Variants in NPAS3 observed in about 807,000 individuals in gnomAD.
NPAS3 encodes neuronal PAS domain-containing protein 3.
In NPAS3, 14 loss-of-function variants were observed where a neutral mutation model predicts 73.1. That is an observed-to-expected ratio of 0.19 (90% confidence interval 0.13 to 0.30). The LOEUF (loss-of-function observed/expected upper bound fraction) is 0.30. Among genes scored for constraint, NPAS3 ranks in the 10% least tolerant of loss-of-function variants. The probability of loss-of-function intolerance (pLI) is 1.00; values close to 1 mark genes in which losing one functional copy is unlikely to be tolerated. For synonymous variants in NPAS3, 620 were observed against 541.5 expected (o/e 1.14, Z -2.01); for missense variants, 1,096 against 1,250.0 (o/e 0.88, Z 1.86).
At chr14:33,475,015 A>C (rs75771043) in intron 4 of NPAS3, among the ~76,000 whole-genome samples, 108 of 152,280 alleles carry the variant, frequency 7.1e-4, no homozygotes, top group African/African-American at 2.4e-3. Context: ...TGAGTGGGTT[A>C]GCTGGGAAAT....
At chr14:33,122,083 A>G (rs1302040810) in intron 2 of NPAS3, among the ~76,000 whole-genome samples, 1 of 152,134 alleles carries the variant, frequency 6.6e-6, no homozygotes, top group Non-Finnish European at 1.5e-5. Context: ...TCAACTGCAA[A>G]TGGTAGTAGT....
At chr14:33,672,148 G>T (rs2059626244) in intron 5 of NPAS3, among the ~76,000 whole-genome samples, 1 of 152,058 alleles carries the variant, frequency 6.6e-6, no homozygotes, top group Non-Finnish European at 1.5e-5. Flanking sequence ...GAAACAAGTG[G>T]GTTATGAAAG....
intron 4 of NPAS3, among the ~76,000 whole-genome samples, chr14:33,399,368 A>G (rs574024395): frequency 1.3e-5 from 2 of 152,178 alleles, no homozygotes; most frequent in South Asian, 4.2e-4. Flanking sequence ...TTCCGGTAGA[A>G]CAAGGTAAGG....
chr14:33,232,534 C>A (rs761237384), intron 3 of NPAS3, among the ~76,000 whole-genome samples: 4 of 152,110 alleles, frequency 2.6e-5, no homozygotes, highest in Non-Finnish European at 5.9e-5. Context: ...TTACTGAATT[C>A]ATTCCCTTCT....
At chr14:33,473,194 A>G (rs923753670) in intron 4 of NPAS3, among the ~76,000 whole-genome samples, 1 of 152,194 alleles carries the variant, frequency 6.6e-6, no homozygotes, top group African/African-American at 2.4e-5. Context: ...AGACGCTAGC[A>G]TTCTATCAGT....
intron 4 of NPAS3, among the ~76,000 whole-genome samples, chr14:33,501,022 T>C (rs1278249235): frequency 6.6e-6 from 1 of 152,030 alleles, no homozygotes; most frequent in African/African-American, 2.4e-5. Flanking sequence ...ACTTAGGATG[T>C]TGTCTTTCTC....
intron 6 of NPAS3, among the ~76,000 whole-genome samples, chr14:33,679,506 CTGT>C (rs1442182135): frequency 2.6e-5 from 4 of 152,138 alleles, no homozygotes; most frequent in Admixed American, 1.3e-4. Flanking sequence ...TTTTTGAAGA[CTGT>C]TGTTCATTGC....
intron 5 of NPAS3, among the ~76,000 whole-genome samples, chr14:33,648,796 A>G (rs2058907354): frequency 6.6e-6 from 1 of 152,146 alleles, no homozygotes; most frequent in Admixed American, 6.5e-5. Context: ...CTCATAGTCC[A>G]TCATCACCAG....
At chr14:33,668,991 C>T (rs2059535702) in intron 5 of NPAS3, among the ~76,000 whole-genome samples, 1 of 152,156 alleles carries the variant, frequency 6.6e-6, no homozygotes, top group Admixed American at 6.5e-5. Context: ...GCATAACACT[C>T]ATCTCAACAT....
chr14:33,456,484 T>G lies in NPAS3; in HGVS notation c.468+89216T>G, dbSNP rs139613506. Among the ~76,000 whole-genome samples the G allele has an allele frequency of 7.5e-4, 115 of 152,322 alleles. 1 individual carries two copies. In the Middle Eastern group the frequency reaches 0.01, roughly 14 times the overall value. ...TATTAGGAAAATTATGAGCATTTAG[T>G]GTTTTCATTTACCCTTTCTTTGGGC... On this transcript the variant is annotated intron_variant, in intron 4 of 11. Transcript: ENST00000356141.
chr14:33,292,180 T>C (rs17100544), intron 3 of NPAS3, among the ~76,000 whole-genome samples: 37,745 of 152,106 alleles, frequency 0.25, 5,093 homozygotes, highest in African/African-American at 0.35. Flanking sequence ...AAGCATCCGT[T>C]TGAAAAAGCA....
At chr14:33,562,841 T>A (rs374496544) in intron 5 of NPAS3, among the ~76,000 whole-genome samples, 4 of 152,018 alleles carry the variant, frequency 2.6e-5, no homozygotes, top group African/African-American at 9.6e-5. Context: ...TTAGGGGTTG[T>A]GGGGTGATAT....
intron 3 of NPAS3, among the ~76,000 whole-genome samples, chr14:33,362,100 T>G (rs2045630924): frequency 6.6e-6 from 1 of 152,184 alleles, no homozygotes; most frequent in Admixed American, 6.5e-5. Context: ...TCACATACAG[T>G]GCTTTCAACA....
intron 4 of NPAS3, among the ~76,000 whole-genome samples, chr14:33,479,132 C>T (rs763326889): frequency 1.6e-4 from 24 of 152,134 alleles, no homozygotes; most frequent in Non-Finnish European, 3.2e-4. Context: ...TATTGTTAAA[C>T]CAATGCGCTT....
At chr14:33,287,135 T>C (rs2041910012) in intron 3 of NPAS3, among the ~76,000 whole-genome samples, 1 of 152,184 alleles carries the variant, frequency 6.6e-6, no homozygotes, top group African/African-American at 2.4e-5. Flanking sequence ...TTGGAGTTAT[T>C]CGTGGGAGAA....
At chr14:33,679,864 AG>A (rs2059883338) in intron 6 of NPAS3, among the ~76,000 whole-genome samples, 1 of 152,244 alleles carries the variant, frequency 6.6e-6, no homozygotes. Context: ...TTGATTGTAC[AG>A]CAAACCCAAA....
Position 33,390,116 on chromosome 14 carries a change from A to G in NPAS3, c.468+22848A>G, listed in dbSNP as rs562535487. 4.6e-5 allele frequency among the ~76,000 whole-genome samples: 7 copies of G among 152,340 alleles called. No individual in the cohort carries two copies. In the East Asian group the frequency reaches 1.3e-3, roughly 29 times the overall value. On this transcript the variant is annotated intron_variant, in intron 4 of 11. Transcript: ENST00000356141. ...ATTAGAGATGGGAAGGATTGTGCTA[A>G]GGATACTGGAAAGAGATTCATTCTT...
chr14:33,083,964 A>G (rs1953436), intron 2 of NPAS3, among the ~76,000 whole-genome samples: 65,212 of 152,008 alleles, frequency 0.43, 15,421 homozygotes, highest in African/African-American at 0.64. Context: ...CCTTTAAGTA[A>G]TGCAGGAATG....
intron 3 of NPAS3, among the ~76,000 whole-genome samples, chr14:33,318,680 T>C (rs915664405): frequency 6.6e-6 from 1 of 152,124 alleles, no homozygotes; most frequent in African/African-American, 2.4e-5. Context: ...TTTCACTTTA[T>C]TATACTTCTG....
Sources: gnomAD v4.1 joint callset for allele counts (sites outside exome capture counted in the v4.1 genomes callset) on GRCh38, gnomAD v4.1.1 for gene constraint, MANE v1.5 for transcripts, NCBI Gene and HGNC (gene_info 2026-07-23, HGNC 2026-07-21) for gene names.